CNTNAP3: variants seen among roughly 807,000 people sequenced by gnomAD.
The protein encoded by CNTNAP3 is contactin-associated protein-like 3.
CNTNAP3 carries 36 observed loss-of-function variants against 92.1 expected under a neutral mutation model. The observed-to-expected ratio is 0.39, with a 90% confidence interval of 0.30 to 0.52. The LOEUF (loss-of-function observed/expected upper bound fraction) is 0.52, where lower values mean the gene tolerates loss of function less well. Ranked by LOEUF, CNTNAP3 falls within the 20% of genes least tolerant of loss-of-function variation. The pLI is 0.76. For missense variants in CNTNAP3, 534 were observed against 1,069.6 expected (o/e 0.50, Z 6.98); for synonymous variants, 232 against 422.3 (o/e 0.55, Z 5.53).
intron 13 of CNTNAP3, 104 bp from the exon 14 acceptor site, chr9:39,118,363 C>A (rs1820912556): frequency 2.7e-6 from 4 of 1,485,742 alleles, no homozygotes; most frequent in Non-Finnish European, 3.7e-6. Flanking sequence ...GTGTGAGAGA[C>A]AGAGAGAGAG....
chr9:39,116,437 A>C (rs2117952918), intron 14 of CNTNAP3, among the ~76,000 whole-genome samples: 1 of 152,186 alleles, frequency 6.6e-6, no homozygotes, highest in East Asian at 1.9e-4. Context: ...TGTTTGTCTC[A>C]TTAGAGCCCA....
intron 15 of CNTNAP3, among the ~76,000 whole-genome samples, chr9:39,104,861 T>C (rs1043343601): frequency 1.3e-5 from 2 of 152,172 alleles, no homozygotes; most frequent in Non-Finnish European, 2.9e-5. Context: ...GATCAGCCCA[T>C]CACTGGTCCT....
intron 14 of CNTNAP3, among the ~76,000 whole-genome samples, chr9:39,109,625 A>G (rs1046902837): frequency 3.3e-5 from 5 of 152,234 alleles, no homozygotes; most frequent in Admixed American, 6.5e-5. Flanking sequence ...TGAATTTCAT[A>G]CAAGTTTTAT....
intron 14 of CNTNAP3, among the ~76,000 whole-genome samples, 165 bp from the exon 15 acceptor site, chr9:39,109,452 G>C (rs1826689430): frequency 6.6e-6 from 1 of 151,986 alleles, no homozygotes; most frequent in Non-Finnish European, 1.5e-5. Flanking sequence ...TCTAAATCAG[G>C]GATGGGCAAA....
intron 20 of CNTNAP3, chr9:39,086,101 A>G (rs1826056377): frequency 3.9e-6 from 2 of 518,596 alleles, no homozygotes; most frequent in Non-Finnish European, 7.0e-6. Flanking sequence ...GGCAGAATCC[A>G]TGAAAAAGAT....
At chr9:39,128,242 T>A (rs979201839) in intron 13 of CNTNAP3, among the ~76,000 whole-genome samples, 2 of 151,790 alleles carry the variant, frequency 1.3e-5, no homozygotes, top group Non-Finnish European at 1.5e-5. Context: ...ATTCATTTTA[T>A]GTAGGCAGTA....
rs1409562465 is a variant in CNTNAP3 at position 39,110,129 on chromosome 9, C to T, written c.2238-842G>A. On this transcript the variant is annotated intron_variant, in intron 14 of 23. Coordinates refer to ENST00000297668, the MANE Select transcript of CNTNAP3 (RefSeq NM_033655.5). ...AACAAACACAGGCCGGGCACAGTGG[C>T]TCATGCCTGTAATCCCAACACTTTA... Among the ~76,000 whole-genome samples the T allele has an allele frequency of 3.3e-5, 5 of 152,188 alleles. No homozygotes were observed. In the East Asian group the frequency reaches 7.7e-4, roughly 23 times the overall value.
At chr9:39,143,856 G>A (rs1821635049) in intron 11 of CNTNAP3, among the ~76,000 whole-genome samples, 1 of 152,006 alleles carries the variant, frequency 6.6e-6, no homozygotes, top group Non-Finnish European at 1.5e-5. Flanking sequence ...CCTGGCAAGG[G>A]GTTGTTTTTC....
At chr9:39,128,645 C>T (rs1442179290) in intron 13 of CNTNAP3, among the ~76,000 whole-genome samples, 1 of 152,150 alleles carries the variant, frequency 6.6e-6, no homozygotes, top group Non-Finnish European at 1.5e-5. Context: ...GCCCTCACCA[C>T]TCTAGTTCAA....
chr9:39,089,049 T>C (rs1302058698), intron 18 of CNTNAP3, among the ~76,000 whole-genome samples: 3 of 152,270 alleles, frequency 2.0e-5, no homozygotes, highest in African/African-American at 7.2e-5. Flanking sequence ...TGCCATGTAA[T>C]AGACCCAATT....
At chr9:39,081,059 CTTAA>C (rs1245963560) in intron 21 of CNTNAP3, among the ~76,000 whole-genome samples, 1 of 151,250 alleles carries the variant, frequency 6.6e-6, no homozygotes, top group Non-Finnish European at 1.5e-5. Flanking sequence ...TAATAAATGA[CTTAA>C]TTAGAAAATG....
chr9:39,079,648 A>G (rs1352305054), intron 21 of CNTNAP3, among the ~76,000 whole-genome samples: 1 of 140,142 alleles, frequency 7.1e-6, no homozygotes, highest in African/African-American at 2.8e-5. Context: ...TTTATTTTTT[A>G]TCTTACACTA....
intron 18 of CNTNAP3, among the ~76,000 whole-genome samples, chr9:39,094,187 T>C (rs147652369): frequency 9.9e-5 from 15 of 151,742 alleles, no homozygotes; most frequent in Non-Finnish European, 2.1e-4. Flanking sequence ...GAGAAATGTC[T>C]CATCAAGTCC....
intron 12 of CNTNAP3, chr9:39,140,201 T>TA (rs1357769031): frequency 5.4e-6 from 1 of 185,920 alleles, no homozygotes; most frequent in African/African-American, 2.4e-5. Flanking sequence ...AAGACCTCTG[T>TA]TTTTTCTAAA....
At chr9:39,113,873 G>A (rs1757456374) in intron 14 of CNTNAP3, among the ~76,000 whole-genome samples, 1 of 151,152 alleles carries the variant, frequency 6.6e-6, no homozygotes, top group Non-Finnish European at 1.5e-5. Flanking sequence ...ATTCTTACCT[G>A]CTTCACTTAC....
chr9:39,089,392 C>T (rs1290586539), intron 18 of CNTNAP3, among the ~76,000 whole-genome samples: 1 of 152,130 alleles, frequency 6.6e-6, no homozygotes, highest in Admixed American at 6.6e-5. Flanking sequence ...GTATTTTATG[C>T]GTTTTATTGA....
At position 39,288,116 on chromosome 9, in the gene CNTNAP3, C is replaced by A; in HGVS notation, c.-52G>T. On this transcript the variant is annotated 5_prime_UTR_variant, in exon 1 of 24. Coordinates refer to ENST00000297668, the MANE Select transcript of CNTNAP3 (RefSeq NM_033655.5). ...CCCGGGCACGGCGACGGCCGCTCTG[C>A]GTCGCTCCTGCTCTCACTCCCGTCC... The A allele has an allele frequency of 1.0e-5, 5 of 479,278 alleles. 2 individuals carry two copies. Among genetic ancestry groups the A allele is most frequent in the Non-Finnish European group, 1.5e-5 (5 of 335,042 alleles). The allele number at this position is 479,278 out of a possible 1,614,324, so 29.7% of individuals were successfully genotyped here.
At chr9:39,121,717 A>G (rs1003358268) in intron 13 of CNTNAP3, among the ~76,000 whole-genome samples, 3 of 152,154 alleles carry the variant, frequency 2.0e-5, no homozygotes, top group African/African-American at 7.2e-5. Flanking sequence ...CACCTTCAAG[A>G]GTTTTATCTC....
intron 12 of CNTNAP3, among the ~76,000 whole-genome samples, chr9:39,137,640 G>A (rs1174614399): frequency 1.3e-5 from 2 of 151,394 alleles, no homozygotes; most frequent in Non-Finnish European, 2.9e-5. Flanking sequence ...AGCCTCCCGA[G>A]TAGCTGGGAC....
Sources: allele counts gnomAD v4.1 joint callset (sites outside exome capture counted in the v4.1 genomes callset), GRCh38; gene constraint gnomAD v4.1.1; transcripts MANE v1.5; gene names NCBI Gene and HGNC (gene_info 2026-07-23, HGNC 2026-07-21).